OPCML: variants seen among roughly 807,000 people sequenced by gnomAD.
OPCML encodes the protein opioid binding protein/cell adhesion molecule like.
OPCML carries 13 observed loss-of-function variants against 37.8 expected under a neutral mutation model. The ratio of observed to expected loss-of-function variants is 0.34; its 90% CI spans 0.22 to 0.55. The LOEUF is 0.55. Among genes scored for constraint, OPCML ranks in the 20% least tolerant of loss-of-function variants. The pLI, the probability that OPCML is intolerant of heterozygous loss-of-function variation, is 0.91. For missense variants in OPCML, 341 were observed against 435.6 expected (o/e 0.78, Z 1.93); for synonymous variants, 176 against 168.8 (o/e 1.04, Z -0.33).
chr11:133,074,372 T>C (rs1160049447), intron 1 of OPCML, among the ~76,000 whole-genome samples: 1 of 152,252 alleles, frequency 6.6e-6, no homozygotes, highest in African/African-American at 2.4e-5. Flanking sequence ...AGTAAAGCAG[T>C]GGTCCCTCTC....
chr11:132,709,720 C>A (rs1033577128), intron 2 of OPCML, among the ~76,000 whole-genome samples: 1 of 152,198 alleles, frequency 6.6e-6, no homozygotes, highest in Non-Finnish European at 1.5e-5. Flanking sequence ...CCACTAACTA[C>A]AGCCCGCACT....
At chr11:133,024,021 G>A (rs752552853) in intron 1 of OPCML, among the ~76,000 whole-genome samples, 19 of 152,166 alleles carry the variant, frequency 1.2e-4, no homozygotes, top group African/African-American at 2.9e-4. Flanking sequence ...TAATTGTTGC[G>A]CAGAAAGTGG....
chr11:132,515,866 G>A (rs1364366215), intron 4 of OPCML, among the ~76,000 whole-genome samples: 1 of 152,164 alleles, frequency 6.6e-6, no homozygotes, highest in Non-Finnish European at 1.5e-5. Context: ...TTGGAAGAAA[G>A]CAGGAAGAAA....
At chr11:132,956,293 AT>A (rs1305962334) in intron 1 of OPCML, among the ~76,000 whole-genome samples, 1 of 152,218 alleles carries the variant, frequency 6.6e-6, no homozygotes, top group Non-Finnish European at 1.5e-5. Context: ...AGCAATGAAG[AT>A]CAGCTTCAGG....
intron 2 of OPCML, among the ~76,000 whole-genome samples, chr11:132,920,958 A>G (rs2136582746): frequency 6.6e-6 from 1 of 152,122 alleles, no homozygotes; most frequent in African/African-American, 2.4e-5. Context: ...GGCTTGATTT[A>G]AGAAGTTTTC....
chr11:132,436,748 A>G lies in OPCML; in HGVS notation c.675T>C (p.Thr225=). The stretch of plus-strand genomic sequence containing the variant: ...TGCCCTTCTGACCGACTGAAACACC[A>G]GTGTTCTTGGCTTTTGAGATATAGG... ...YPPYISKAKN[T]GVSVGQKGIL... is the part of the protein sequence containing the mutation. The change falls in exon 6 of 8, where the codon ACT becomes ACC. Residue 225 remains threonine (T), a synonymous_variant. Coordinates refer to ENST00000524381, the MANE Select transcript of OPCML (RefSeq NM_001012393.5). 6.2e-7 allele frequency: 1 copy of G among 1,614,104 alleles called. No individual in the cohort carries two copies.
intron 3 of OPCML, among the ~76,000 whole-genome samples, chr11:132,647,439 C>G (rs1419092204): frequency 6.6e-6 from 1 of 152,158 alleles, no homozygotes. Flanking sequence ...CTTTGACTCC[C>G]TCCAAATTTA....
At chr11:132,830,206 A>G (rs929282850) in intron 2 of OPCML, among the ~76,000 whole-genome samples, 1 of 152,200 alleles carries the variant, frequency 6.6e-6, no homozygotes, top group Non-Finnish European at 1.5e-5. Flanking sequence ...TCACTTGCCC[A>G]TAAGGTTACT....
At chr11:133,063,562 C>T (rs1427081480) in intron 1 of OPCML, among the ~76,000 whole-genome samples, 1 of 132,642 alleles carries the variant, frequency 7.5e-6, no homozygotes, top group Non-Finnish European at 1.7e-5. Context: ...ATTTACAGAG[C>T]TGTTGGTTTT....
At chr11:132,564,518 G>A (rs1330732256) in intron 3 of OPCML, among the ~76,000 whole-genome samples, 1 of 152,200 alleles carries the variant, frequency 6.6e-6, no homozygotes, top group Non-Finnish European at 1.5e-5. Context: ...TTCACTGACT[G>A]ACTAGTGGAG....
intron 3 of OPCML, among the ~76,000 whole-genome samples, chr11:132,626,890 A>G (rs1282555316): frequency 1.3e-5 from 2 of 150,748 alleles, no homozygotes; most frequent in Admixed American, 1.3e-4. Context: ...ACATATACAT[A>G]TATGTTTTAT....
At chr11:133,494,496 A>C (rs1001138898) in intron 1 of OPCML, among the ~76,000 whole-genome samples, 5 of 149,518 alleles carry the variant, frequency 3.3e-5, no homozygotes, top group African/African-American at 1.3e-4. Flanking sequence ...GATAGACTGG[A>C]TTAAGAAAAT....
chr11:132,569,972 T>C (rs1211605830), intron 3 of OPCML, among the ~76,000 whole-genome samples: 3 of 149,480 alleles, frequency 2.0e-5, no homozygotes, highest in African/African-American at 7.4e-5. Context: ...ACCGAAAAGC[T>C]AATGAATCCA....
chr11:132,895,315 C>G (rs1214965401), intron 2 of OPCML, among the ~76,000 whole-genome samples: 2 of 152,142 alleles, frequency 1.3e-5, no homozygotes, highest in Non-Finnish European at 2.9e-5. Context: ...TTGGTTGCTC[C>G]TAATGTCAGT....
At chr11:133,278,422 A>G (rs142807237) in intron 1 of OPCML, among the ~76,000 whole-genome samples, 2 of 152,306 alleles carry the variant, frequency 1.3e-5, no homozygotes, top group South Asian at 2.1e-4. Context: ...GAAAAGTAAT[A>G]TCAATGAAAG....
chr11:133,187,456 C>T (rs1938131734), intron 1 of OPCML, among the ~76,000 whole-genome samples: 1 of 152,118 alleles, frequency 6.6e-6, no homozygotes, highest in African/African-American at 2.4e-5. Context: ...AAATGCTGGA[C>T]CTGCTTGCTC....
chr11:133,419,202 C>T (rs189169868), intron 1 of OPCML: 269 of 979,908 alleles, frequency 2.7e-4, no homozygotes, highest in Middle Eastern at 5.2e-4. Context: ...TTCTGTGCAA[C>T]GGGCCAGGAG....
At chr11:132,619,838 C>T (rs939663935) in intron 3 of OPCML, among the ~76,000 whole-genome samples, 2 of 138,882 alleles carry the variant, frequency 1.4e-5, no homozygotes, top group Non-Finnish European at 3.1e-5. Context: ...GGTGACAGAG[C>T]CAGACTCCAT....
rs559133023 is a variant in OPCML at position 132,700,731 on chromosome 11, T to C, written c.147-43412A>G. On this transcript the variant is annotated intron_variant, in intron 2 of 7. Coordinates refer to ENST00000524381, the MANE Select transcript of OPCML (RefSeq NM_001012393.5). ...AATCTGTCGTGGGGAATATTCCATG[T>C]GTGCTTGGAAACAGTGTGCGTTCTG... Among the ~76,000 whole-genome samples, 227 of 152,306 alleles carry C rather than the reference T, an allele frequency of 1.5e-3. 2 individuals are homozygous for C. The highest frequency in any genetic ancestry group is 2.4e-3 in the Non-Finnish European group (161 of 68,010).
Sources: gnomAD v4.1 joint callset for allele counts (sites outside exome capture counted in the v4.1 genomes callset) on GRCh38, gnomAD v4.1.1 for gene constraint, MANE v1.5 for transcripts, NCBI Gene and HGNC (gene_info 2026-07-23, HGNC 2026-07-21) for gene names.